NRG1: variants seen among roughly 807,000 people sequenced by gnomAD.
NRG1 encodes pro-neuregulin-1, membrane-bound isoform.
In NRG1, 18 loss-of-function variants were observed where a neutral mutation model predicts 63.8. The ratio of observed to expected loss-of-function variants is 0.28; its 90% CI spans 0.19 to 0.42. The LOEUF (loss-of-function observed/expected upper bound fraction) is 0.42. NRG1 is among the 10% of genes least tolerant of loss of function. The probability of loss-of-function intolerance (pLI) is 1.00; values close to 1 mark genes in which losing one functional copy is unlikely to be tolerated. For synonymous variants in NRG1, 302 were observed against 301.3 expected (o/e 1.00, Z -0.02); for missense variants, 762 against 814.7 (o/e 0.94, Z 0.79).
Position 32,680,855 on chromosome 8 carries a change from G to GAA in NRG1, c.503-47094_503-47093insAA, listed in dbSNP as rs544425413. Among the ~76,000 whole-genome samples, 1,339 of 151,978 alleles carry GAA rather than the reference G, an allele frequency of 8.8e-3. 30 individuals are homozygous for GAA. Among genetic ancestry groups the GAA allele is most frequent in the African/African-American group, 0.031 (1,277 of 41,502 alleles). ...GTACCCCAAGCATCCAGTATATTTA[G>GAA]TGAATGAATGAATGACCTAGGTATT... On this transcript the variant is annotated intron_variant, in intron 5 of 11. Coordinates refer to ENST00000356819, the Ensembl canonical transcript of NRG1.
At chr8:32,643,531 C>T (rs1852843360) in intron 5 of NRG1, among the ~76,000 whole-genome samples, 1 of 152,176 alleles carries the variant, frequency 6.6e-6, no homozygotes, top group Admixed American at 6.5e-5. Flanking sequence ...AACGTTTCCA[C>T]CTAGTTGCAC....
At chr8:32,597,953 T>C (rs542167434) in intron 2 of NRG1, among the ~76,000 whole-genome samples, 1 of 152,154 alleles carries the variant, frequency 6.6e-6, no homozygotes, top group Non-Finnish European at 1.5e-5. Context: ...TTGGATGGAA[T>C]GGATTTTGGT....
chr8:32,731,628 G>A (rs1004421786), intron 6 of NRG1, among the ~76,000 whole-genome samples: 1 of 152,062 alleles, frequency 6.6e-6, no homozygotes, highest in African/African-American at 2.4e-5. Context: ...ACATGAAACT[G>A]TTTTTATTTT....
chr8:32,731,368 AGT>A (rs1444126426), intron 6 of NRG1, among the ~76,000 whole-genome samples: 1 of 151,770 alleles, frequency 6.6e-6, no homozygotes, highest in African/African-American at 2.4e-5. Flanking sequence ...CTAATTGTCT[AGT>A]GGATCATTCT....
chr8:32,479,337 C>A (rs547773542), intron 1 of NRG1, among the ~76,000 whole-genome samples: 1 of 151,962 alleles, frequency 6.6e-6, no homozygotes, highest in African/African-American at 2.4e-5. Flanking sequence ...ATTAGTCAAG[C>A]TTGGTGGTAG....
intron 1 of NRG1, among the ~76,000 whole-genome samples, chr8:32,195,925 G>A (rs1393412542): frequency 2.0e-5 from 3 of 152,194 alleles, no homozygotes; most frequent in Non-Finnish European, 4.4e-5. Context: ...GAAAGGCTCA[G>A]TCCCTGGCAA....
chr8:32,005,094 G>A (rs755676504), intron 1 of NRG1, among the ~76,000 whole-genome samples: 4 of 151,068 alleles, frequency 2.6e-5, no homozygotes, highest in East Asian at 4.0e-4. Flanking sequence ...AAGAAATAAA[G>A]GAAAAAGGGA....
chr8:32,537,330 T>C (rs1412818956), intron 1 of NRG1, among the ~76,000 whole-genome samples: 4 of 151,574 alleles, frequency 2.6e-5, no homozygotes, highest in Non-Finnish European at 5.9e-5. Flanking sequence ...TTGTCTTCCA[T>C]CCTACAGAAA....
intron 1 of NRG1, among the ~76,000 whole-genome samples, chr8:31,723,242 A>G (rs1224870597): frequency 6.6e-6 from 1 of 152,122 alleles, no homozygotes; most frequent in Middle Eastern, 3.2e-3. Flanking sequence ...GTTTTGAAGG[A>G]GCACAGTTCA....
chr8:31,984,299 G>C lies in NRG1; in HGVS notation c.37+344868G>C, dbSNP rs145110595. On this transcript the variant is annotated intron_variant, in intron 1 of 10. Coordinates refer to the NRG1 transcript ENST00000519301. Reference sequence around the variant, plus strand: ...TCTTTTTTAAAAAAGAGAAAACACTGAGCATCTTTTCCTTAAGCCCCCTTT... The same window carrying C: ...TCTTTTTTAAAAAAGAGAAAACACTCAGCATCTTTTCCTTAAGCCCCCTTT... Among the ~76,000 whole-genome samples the C allele has an allele frequency of 8.3e-3, 1,264 of 152,136 alleles. 19 individuals carry two copies. The highest frequency in any genetic ancestry group is 0.029 in the African/African-American group (1,212 of 41,526).
chr8:31,816,090 G>A (rs1259858188), intron 1 of NRG1, among the ~76,000 whole-genome samples: 1 of 152,236 alleles, frequency 6.6e-6, no homozygotes, highest in Non-Finnish European at 1.5e-5. Flanking sequence ...ATTTGGCTTT[G>A]ATGGCACTAA....
At chr8:31,674,627 G>A (rs1216259674) in intron 1 of NRG1, among the ~76,000 whole-genome samples, 1 of 151,164 alleles carries the variant, frequency 6.6e-6, no homozygotes, top group Admixed American at 6.6e-5. Flanking sequence ...TCAAGATCTT[G>A]TAAGCTTTGT....
intron 1 of NRG1, among the ~76,000 whole-genome samples, chr8:32,158,118 C>T (rs929752100): frequency 1.3e-5 from 2 of 152,002 alleles, no homozygotes; most frequent in Non-Finnish European, 2.9e-5. Context: ...CATTTCCCTG[C>T]TCCCTCCCTG....
In NRG1 at chr8:31,940,821, A is replaced by G. The variant is rs532410353; in HGVS notation, c.37+301390A>G. Among the ~76,000 whole-genome samples the G allele has an allele frequency of 2.3e-4, 35 of 152,214 alleles. 1 individual carries two copies. Among genetic ancestry groups the G allele is most frequent in the African/African-American group, 7.7e-4 (32 of 41,564 alleles). Reference sequence around the variant, plus strand: ...TAGGGGAGATGGATAAATTCCTGGAAATATACAACCCTCCTAGGTTAAACC... The same window carrying G: ...TAGGGGAGATGGATAAATTCCTGGAGATATACAACCCTCCTAGGTTAAACC... On this transcript the variant is annotated intron_variant, in intron 1 of 10. Coordinates refer to the NRG1 transcript ENST00000519301.
At chr8:31,888,989 C>A (rs1341813766) in intron 1 of NRG1, among the ~76,000 whole-genome samples, 1 of 152,052 alleles carries the variant, frequency 6.6e-6, no homozygotes, top group South Asian at 2.1e-4. Flanking sequence ...CCATTTTGTA[C>A]CACAGGGAAA....
chr8:31,913,671 TCAAGTCACTCTTAGGCGCTTCTCCTCC>T lies in NRG1; in HGVS notation c.37+274244_37+274270del, dbSNP rs1833133570. ...GCTACACAGACAGACAGGAATATATTCAAGTCACTCTTAGGCGCTTCTCCTCCCAAAACTTAATCCCCCACTTCCATT... is the reference window on the plus strand; with the variant it reads ...GCTACACAGACAGACAGGAATATATTCAAAACTTAATCCCCCACTTCCATT... On this transcript the variant is annotated intron_variant, in intron 1 of 10. Coordinates refer to the NRG1 transcript ENST00000519301. Among the ~76,000 whole-genome samples the T allele has an allele frequency of 3.9e-5, 6 of 152,138 alleles. No individual in the cohort carries two copies. In the South Asian group the frequency reaches 1.2e-3, roughly 32 times the overall value.
intron 1 of NRG1, among the ~76,000 whole-genome samples, chr8:32,488,145 G>A (rs1186052090): frequency 6.6e-6 from 1 of 152,176 alleles, no homozygotes; most frequent in Non-Finnish European, 1.5e-5. Context: ...CTTGTTTCTA[G>A]TAGGACTGAT....
intron 1 of NRG1, among the ~76,000 whole-genome samples, chr8:31,825,990 C>T (rs1319001821): frequency 6.6e-6 from 1 of 152,272 alleles, no homozygotes; most frequent in East Asian, 1.9e-4. Flanking sequence ...CCACCTAAAC[C>T]CTACTTTTGG....
intron 1 of NRG1, among the ~76,000 whole-genome samples, chr8:32,346,361 C>G (rs1804894072): frequency 6.6e-6 from 1 of 150,712 alleles, no homozygotes; most frequent in South Asian, 2.1e-4. Context: ...ACCCTTTATT[C>G]CTTCTCTTTA....
Sources: allele counts gnomAD v4.1 joint callset (sites outside exome capture counted in the v4.1 genomes callset), GRCh38; gene constraint gnomAD v4.1.1; transcripts MANE v1.5; gene names NCBI Gene and HGNC (gene_info 2026-07-23, HGNC 2026-07-21).